The following ESR1 variants were observed in gnomAD, a reference collection of about 807,000 sequenced individuals.
ESR1 encodes estrogen receptor 1.
Under a neutral mutation model 52.7 loss-of-function variants are expected in ESR1, and 12 were observed. The observed-to-expected ratio is 0.23, with a 90% CI of 0.15 to 0.37. The LOEUF (loss-of-function observed/expected upper bound fraction) is 0.37. Among genes scored for constraint, ESR1 ranks in the 10% least tolerant of loss-of-function variants. The pLI is 1.00. For missense variants in ESR1, 584 were observed against 779.7 expected (o/e 0.75, Z 2.99); for synonymous variants, 305 against 316.8 (o/e 0.96, Z 0.39).
intron 6 of ESR1, among the ~76,000 whole-genome samples, chr6:152,080,307 A>G (rs1002497705): frequency 1.3e-5 from 2 of 151,722 alleles, no homozygotes; most frequent in African/African-American, 4.9e-5. Context: ...CAGAAACCCT[A>G]CAAGCCAGAA....
At chr6:152,115,852 C>G (rs1169684665) in intron 6 of ESR1, among the ~76,000 whole-genome samples, 1 of 152,128 alleles carries the variant, frequency 6.6e-6, no homozygotes, top group African/African-American at 2.4e-5. Context: ...TTTTAGAAAA[C>G]TGATAGCATC....
upstream of ESR1, among the ~76,000 whole-genome samples, chr6:151,686,001 C>T (rs1778649962): frequency 6.6e-6 from 1 of 151,842 alleles, no homozygotes; most frequent in Non-Finnish European, 1.5e-5. Context: ...ACAGTTCTCC[C>T]ACCACAGCCT....
intron 5 of ESR1, among the ~76,000 whole-genome samples, chr6:152,040,583 A>G (rs2045707845): frequency 6.6e-6 from 1 of 152,180 alleles, no homozygotes; most frequent in African/African-American, 2.4e-5. Flanking sequence ...ATAATCACAC[A>G]TCTTGCCATT....
At chr6:151,942,108 T>C (rs1039025919) in intron 3 of ESR1, among the ~76,000 whole-genome samples, 1 of 152,228 alleles carries the variant, frequency 6.6e-6, no homozygotes, top group African/African-American at 2.4e-5. Context: ...GCATCTCCCT[T>C]AATTCAGATA....
intron 2 of ESR1, among the ~76,000 whole-genome samples, chr6:151,745,762 T>C (rs1783435705): frequency 6.6e-6 from 1 of 152,164 alleles, no homozygotes; most frequent in Non-Finnish European, 1.5e-5. Context: ...GGTAAAAACA[T>C]AAAATATACA....
intron 3 of ESR1, among the ~76,000 whole-genome samples, chr6:151,942,340 G>C (rs906272103): frequency 2.6e-5 from 4 of 152,130 alleles, no homozygotes; most frequent in African/African-American, 9.7e-5. Context: ...TCTTTTCAGA[G>C]CCAGAATCTG....
intron 4 of ESR1, among the ~76,000 whole-genome samples, chr6:152,000,258 A>G (rs2041843682): frequency 2.0e-5 from 3 of 152,076 alleles, no homozygotes; most frequent in African/African-American, 7.2e-5. Flanking sequence ...GCATACACTA[A>G]GAGAAGGCAC....
intron 4 of ESR1, among the ~76,000 whole-genome samples, chr6:152,009,762 A>C (rs572536853): frequency 6.6e-6 from 1 of 152,190 alleles, no homozygotes; most frequent in African/African-American, 2.4e-5. Context: ...GCATATATCC[A>C]TTCAAAAACT....
intron 2 of ESR1, among the ~76,000 whole-genome samples, chr6:151,723,018 G>A (rs1489604743): frequency 6.6e-6 from 1 of 152,178 alleles, no homozygotes; most frequent in Non-Finnish European, 1.5e-5. Flanking sequence ...TGGGCACTGA[G>A]CATATGGAAT....
At chr6:151,726,593 C>T (rs933014263) in intron 2 of ESR1, among the ~76,000 whole-genome samples, 10 of 152,214 alleles carry the variant, frequency 6.6e-5, no homozygotes, top group Non-Finnish European at 1.2e-4. Context: ...GCCTCGGCCT[C>T]CCAAAGTGCT....
intron 3 of ESR1, among the ~76,000 whole-genome samples, chr6:151,888,807 G>C (rs1183552066): frequency 6.6e-6 from 1 of 152,082 alleles, no homozygotes; most frequent in Non-Finnish European, 1.5e-5. Context: ...CTGTAGGCTT[G>C]TCATATATGG....
chr6:152,031,339 T>C (rs570737123), intron 5 of ESR1, among the ~76,000 whole-genome samples: 1 of 152,132 alleles, frequency 6.6e-6, no homozygotes, highest in Non-Finnish European at 1.5e-5. Context: ...AAAAAATCAA[T>C]GAATCTAGGA....
Position 152,061,157 on chromosome 6 carries a change from G to T in ESR1, c.1369+33G>T. 1 of 1,607,864 alleles carries T rather than the reference G, an allele frequency of 6.2e-7. No homozygotes were observed. The highest frequency in any genetic ancestry group is 8.5e-7 in the Non-Finnish European group (1 of 1,174,634). On this transcript the variant is annotated intron_variant, in intron 6 of 7. Coordinates refer to ENST00000206249, the MANE Select transcript of ESR1 (RefSeq NM_000125.4). The surrounding 1 kb of genome is among the most constrained non-coding windows in gnomAD (Gnocchi z 4.3). ...GATAACACAAGATAACTCAATGCTGGATGAAATGTTTATTTGTAGTTTTCA... is the reference window on the plus strand; with the variant it reads ...GATAACACAAGATAACTCAATGCTGTATGAAATGTTTATTTGTAGTTTTCA...
At chr6:151,782,326 A>G (rs578184243) in intron 2 of ESR1, among the ~76,000 whole-genome samples, 40 of 152,338 alleles carry the variant, frequency 2.6e-4, no homozygotes, top group African/African-American at 8.4e-4. Context: ...TGTTTTTATA[A>G]TCTCATTTTC....
At chr6:151,801,878 G>A (rs190521061), upstream of ESR1, among the ~76,000 whole-genome samples, 2 of 152,338 alleles carry the variant, frequency 1.3e-5, no homozygotes, top group East Asian at 3.9e-4. Context: ...TGGGCCATTG[G>A]TAGGAAATGC....
At chr6:151,712,247 C>A (rs767573239) in intron 2 of ESR1, among the ~76,000 whole-genome samples, 7 of 152,068 alleles carry the variant, frequency 4.6e-5, no homozygotes, top group Admixed American at 1.3e-4. Context: ...GTTACCGTAG[C>A]CTTGTAGTAT....
At chr6:152,115,513 C>G (rs2051200144) in intron 6 of ESR1, among the ~76,000 whole-genome samples, 1 of 151,960 alleles carries the variant, frequency 6.6e-6, no homozygotes, top group African/African-American at 2.4e-5. Context: ...GAAACTTTTG[C>G]ATAATCTTAA....
chr6:151,968,136 T>A (rs577803795), intron 4 of ESR1, among the ~76,000 whole-genome samples: 1 of 152,248 alleles, frequency 6.6e-6, no homozygotes, highest in East Asian at 1.9e-4. Context: ...AACCATCTGA[T>A]CTTTGACAAA....
At chr6:152,044,286 C>T (rs911906825) in intron 5 of ESR1, among the ~76,000 whole-genome samples, 3 of 152,100 alleles carry the variant, frequency 2.0e-5, no homozygotes, top group South Asian at 2.1e-4. Context: ...AGCATTTTGG[C>T]GTCTAATCAT....
Sources: allele counts gnomAD v4.1 joint callset (sites outside exome capture counted in the v4.1 genomes callset), GRCh38; gene constraint gnomAD v4.1.1; non-coding constraint Gnocchi (gnomAD v3.1); transcripts MANE v1.5; gene names NCBI Gene and HGNC (gene_info 2026-07-23, HGNC 2026-07-21).